The following SORL1 variants were observed in gnomAD, a reference collection of about 807,000 sequenced individuals.
SORL1 encodes sortilin related receptor 1.
In SORL1, 127 loss-of-function variants were observed where a neutral mutation model predicts 273.7. The observed-to-expected ratio is 0.46, with a 90% CI of 0.40 to 0.54. SORL1 has a LOEUF of 0.54. Among genes scored for constraint, SORL1 ranks in the 20% least tolerant of loss-of-function variants. SORL1 has a pLI of 0.00. For missense variants in SORL1, 2,494 were observed against 2,846.1 expected (o/e 0.88, Z 2.81); for synonymous variants, 1,031 against 1,067.4 (o/e 0.97, Z 0.66).
rs889196847 is a variant in SORL1 at position 121,505,713 on chromosome 11, G to A, written c.940-7290G>A. ...CCTTTTGACTTCATTGATGATTTTT[G>A]AATGTGTTGTTTAATTTCAATATAT... On this transcript the variant is annotated intron_variant, in intron 6 of 47. Coordinates refer to ENST00000260197, the MANE Select transcript of SORL1 (RefSeq NM_003105.6). Among the ~76,000 whole-genome samples, 13 of 151,966 alleles carry A rather than the reference G, an allele frequency of 8.6e-5. No individual in the cohort carries two copies. The East Asian group carries it at 2.5e-3, about 29-fold the overall frequency.
intron 3 of SORL1, among the ~76,000 whole-genome samples, chr11:121,480,299 A>G (rs547802087): frequency 6.6e-6 from 1 of 152,282 alleles, no homozygotes; most frequent in African/African-American, 2.4e-5. Context: ...ATATAATAGT[A>G]TGTCTATTTA....
intron 16 of SORL1, among the ~76,000 whole-genome samples, chr11:121,553,294 T>A (rs1862532173): frequency 6.6e-6 from 1 of 152,228 alleles, no homozygotes; most frequent in Non-Finnish European, 1.5e-5. Context: ...ACCCGATACG[T>A]AGTAAGCACA....
At chr11:121,485,236 G>A (rs1375888364) in intron 3 of SORL1, among the ~76,000 whole-genome samples, 3 of 152,180 alleles carry the variant, frequency 2.0e-5, no homozygotes, top group Non-Finnish European at 2.9e-5. Flanking sequence ...TGAAATGAGA[G>A]GGTGCTGTGG....
intron 38 of SORL1, chr11:121,610,812 A>T (rs1388953964): frequency 2.8e-6 from 1 of 360,480 alleles, no homozygotes; most frequent in Admixed American, 4.3e-5. Context: ...TGGGACCTTT[A>T]CAAAATGGAA....
At chr11:121,497,130 T>C in intron 6 of SORL1, 81 bp downstream of exon 6, 1 of 1,190,488 alleles carries the variant, frequency 8.4e-7, no homozygotes, top group South Asian at 1.4e-5. Flanking sequence ...ACAGGTGAGT[T>C]TGCATACACA....
chr11:121,572,809 C>T (rs916030602), intron 23 of SORL1, among the ~76,000 whole-genome samples: 5 of 152,108 alleles, frequency 3.3e-5, no homozygotes, highest in Admixed American at 1.3e-4. Flanking sequence ...GGTTTTGACG[C>T]GAATCCCTGC....
chr11:121,526,064 A>G (rs1366708143), intron 11 of SORL1, among the ~76,000 whole-genome samples: 1 of 152,210 alleles, frequency 6.6e-6, no homozygotes, highest in Non-Finnish European at 1.5e-5. Flanking sequence ...ACTAATTTTA[A>G]TAATTGAGTT....
intron 3 of SORL1, among the ~76,000 whole-genome samples, chr11:121,478,904 G>A (rs1471674761): frequency 6.6e-6 from 1 of 151,512 alleles, no homozygotes; most frequent in Non-Finnish European, 1.5e-5. Context: ...GTGTGTGTGT[G>A]CAGATACCTG....
At chr11:121,461,547 A>T (rs2134769622) in intron 1 of SORL1, among the ~76,000 whole-genome samples, 1 of 152,332 alleles carries the variant, frequency 6.6e-6, no homozygotes, top group East Asian at 1.9e-4. Flanking sequence ...AGGGTGGTGA[A>T]GAAGCCACTG....
In SORL1 at chr11:121,604,300, G is replaced by A. The variant is rs747369466; in HGVS notation, c.4627G>A (p.Glu1543Lys). The A allele has an allele frequency of 5.0e-6, 8 of 1,613,540 alleles. No homozygotes were observed. Among genetic ancestry groups the A allele is most frequent in the Admixed American group, 3.3e-5 (2 of 59,998 alleles). ...RCDGFLDCSD[E>K]SDEKACSDEL... ...CGACGGCTTCCTGGACTGCTCGGACGAGAGCGATGAAAAGGCCTGCAGTGG... is the reference window on the plus strand; with the variant it reads ...CGACGGCTTCCTGGACTGCTCGGACAAGAGCGATGAAAAGGCCTGCAGTGG... The change falls in exon 33 of 48, where the codon GAG (glutamate) becomes AAG (lysine). Residue 1543 changes from glutamate to lysine, a missense_variant. Transcript: ENST00000260197.
intron 1 of SORL1, among the ~76,000 whole-genome samples, chr11:121,467,742 G>T (rs1464988964): frequency 1.3e-5 from 2 of 152,158 alleles, no homozygotes; most frequent in African/African-American, 2.4e-5. Flanking sequence ...AGGCTTCAGC[G>T]ACCGGAGGAG....
At position 121,452,389 on chromosome 11, in the gene SORL1, G is replaced by T; in HGVS notation, c.58G>T (p.Ala20Ser). ...ACTCCCGTTCCTATTCACCCTGGTC[G>T]CACTGCTGCCGCCCGGAGCTCTCTG... ...SRLPFLFTLV[A>S]LLPPGALCEV... is the part of the protein sequence containing the mutation. The change falls in exon 1 of 48, where the codon GCA becomes TCA. Residue 20 changes from alanine to serine, a missense_variant. Coordinates refer to ENST00000260197, the MANE Select transcript of SORL1 (RefSeq NM_003105.6). This position sits in a 1 kb window ranked among gnomAD's most constrained non-coding sequence, Gnocchi z 5.3. The T allele has an allele frequency of 6.5e-7, 1 of 1,545,956 alleles. No homozygotes were observed. Among genetic ancestry groups the T allele is most frequent in the South Asian group, 1.2e-5 (1 of 83,118 alleles).
intron 37 of SORL1, among the ~76,000 whole-genome samples, chr11:121,607,638 G>A (rs1863499041): frequency 6.6e-6 from 1 of 152,194 alleles, no homozygotes; most frequent in Non-Finnish European, 1.5e-5. Context: ...GCTATGATAA[G>A]TAGTCTTTCT....
chr11:121,514,265 C>G lies in SORL1; in HGVS notation c.1155C>G (p.Ser385=). ...CAGAGGGGCTGAAGTTCTCCCTGTC[C>G]TTGGAGAACGTGCTCTATTACAGCC... ...SEAEGLKFSL[S]LENVLYYSPG... is the part of the protein sequence containing the mutation. Residue 385 remains serine, a synonymous_variant, in exon 8 of 48, where the codon TCC becomes TCG. Transcript: ENST00000260197. The G allele has an allele frequency of 6.2e-7, 1 of 1,614,212 alleles. No individual in the cohort carries two copies. The highest frequency in any genetic ancestry group is 8.5e-7 in the Non-Finnish European group (1 of 1,180,036).
intron 47 of SORL1, chr11:121,628,778 GTTACAA>G (rs917651161): frequency 2.0e-5 from 3 of 152,192 alleles, no homozygotes; most frequent in African/African-American, 7.2e-5. Flanking sequence ...CCGTTAACTA[GTTACAA>G]TTATATATCT....
chr11:121,480,113 G>A (rs915393184), intron 3 of SORL1, among the ~76,000 whole-genome samples: 2 of 152,062 alleles, frequency 1.3e-5, no homozygotes, highest in East Asian at 1.9e-4. Flanking sequence ...TATGCGCCCC[G>A]CCTCTCAAGA....
chr11:121,490,090 A>T lies in SORL1; in HGVS notation c.738A>T (p.Glu246Asp), dbSNP rs758119479. The T allele has an allele frequency of 1.9e-6, 3 of 1,613,298 alleles. No individual in the cohort carries two copies. The East Asian group carries it at 6.7e-5, about 36-fold the overall frequency. Reference sequence around the variant, plus strand: ...GCCAGACCTGGATCATGATTCAGGAACATGTCAAGTCCTTTTCTTGGTAAG... The same window carrying T: ...GCCAGACCTGGATCATGATTCAGGATCATGTCAAGTCCTTTTCTTGGTAAG... ...DFGQTWIMIQEHVKSFSWGID... is the reference protein window; with the variant it reads ...DFGQTWIMIQDHVKSFSWGID... The change falls in exon 5 of 48, where the codon GAA (glutamate) becomes GAT (aspartate). Residue 246 changes from glutamate (E) to aspartate (D), a missense_variant. Glu to Asp is a conservative substitution (Grantham distance 45). Around this residue, in one of 3 missense-constraint regions of SORL1, gnomAD observed 710 missense variants for 882.5 expected, o/e 0.80. Coordinates refer to ENST00000260197, the MANE Select transcript of SORL1 (RefSeq NM_003105.6).
intron 23 of SORL1, among the ~76,000 whole-genome samples, chr11:121,570,568 G>T (rs974094171): frequency 5.9e-5 from 9 of 152,184 alleles, no homozygotes; most frequent in African/African-American, 2.2e-4. Context: ...GGCAATCTGG[G>T]CTCTAATCTT....
chr11:121,602,107 C>A (rs1863401690), intron 32 of SORL1, among the ~76,000 whole-genome samples: 1 of 152,200 alleles, frequency 6.6e-6, no homozygotes, highest in Non-Finnish European at 1.5e-5. Context: ...TCTTGGGCTT[C>A]TGAGACTATT....
Sources: allele counts gnomAD v4.1 joint callset (sites outside exome capture counted in the v4.1 genomes callset), GRCh38; gene constraint gnomAD v4.1.1; regional missense constraint gnomAD v4.1.1; non-coding constraint Gnocchi (gnomAD v3.1); transcripts MANE v1.5; gene names NCBI Gene and HGNC (gene_info 2026-07-23, HGNC 2026-07-21).